HYDIN: variants seen among roughly 807,000 people sequenced by gnomAD.
The protein encoded by HYDIN is axonemal central pair apparatus protein HYDIN.
A neutral mutation model predicts 403.9 loss-of-function variants in HYDIN; 132 were observed. The ratio of observed to expected loss-of-function variants is 0.33; its 90% confidence interval spans 0.28 to 0.38. The LOEUF (loss-of-function observed/expected upper bound fraction) is 0.38. Among genes scored for constraint, HYDIN ranks in the 10% least tolerant of loss-of-function variants. The probability of loss-of-function intolerance (pLI) is 1.00; values close to 1 mark genes in which losing one functional copy is unlikely to be tolerated. For synonymous variants in HYDIN, 1,202 were observed against 1,891.7 expected, an observed-to-expected ratio of 0.64 and a Z score of 9.46; for missense variants, 2,827 against 5,009.5, an observed-to-expected ratio of 0.56 and a Z score of 13.15.
chr16:71,135,750 A>G (rs911867342), intron 8 of HYDIN, among the ~76,000 whole-genome samples: 5 of 151,504 alleles, frequency 3.3e-5, no homozygotes, highest in Non-Finnish European at 5.9e-5. Context: ...AGATATTTCT[A>G]TGCCATAAAG....
intron 1 of HYDIN, among the ~76,000 whole-genome samples, chr16:71,211,746 A>G (rs1438049766): frequency 6.6e-6 from 1 of 152,176 alleles, no homozygotes; most frequent in Non-Finnish European, 1.5e-5. Flanking sequence ...TGAGGAACAC[A>G]TAGTAAGAAA....
rs896443198 is a variant in HYDIN at position 70,807,462 on chromosome 16, C to T, written c.*118G>A. 18 of 1,158,746 alleles carry T rather than the reference C, an allele frequency of 1.6e-5. No homozygotes were observed. The highest frequency in any genetic ancestry group is 2.6e-4 in the Middle Eastern group (1 of 3,830). The allele number at this position is 1,158,746 out of a possible 1,614,324, so 71.8% of individuals were successfully genotyped here. A position where few individuals can be genotyped will look rare whatever the true frequency, so the allele number is the denominator to read the frequency against. ...AACACATAATAGGGAAATAACTGCCCTATAATTGTATGAGAAGAATAAAAA... is the reference window on the plus strand; with the variant it reads ...AACACATAATAGGGAAATAACTGCCTTATAATTGTATGAGAAGAATAAAAA... On this transcript the variant is annotated 3_prime_UTR_variant, in exon 86 of 86. Transcript: ENST00000393567.
intron 23 of HYDIN, among the ~76,000 whole-genome samples, chr16:71,003,257 G>A (rs1344273836): frequency 6.6e-6 from 1 of 152,084 alleles, no homozygotes; most frequent in Non-Finnish European, 1.5e-5. Context: ...GGATCAACCT[G>A]TCAGGATTCT....
intron 1 of HYDIN, among the ~76,000 whole-genome samples, chr16:71,222,786 T>A (rs1359245928): frequency 6.6e-6 from 1 of 152,040 alleles, no homozygotes; most frequent in Non-Finnish European, 1.5e-5. Context: ...CTTAACCAAG[T>A]AGGGGAAAGA....
intron 1 of HYDIN, among the ~76,000 whole-genome samples, chr16:71,222,731 A>C (rs2040858356): frequency 6.6e-6 from 1 of 152,194 alleles, no homozygotes; most frequent in African/African-American, 2.4e-5. Flanking sequence ...TCTCTTTTAC[A>C]ACAGCTGCAA....
chr16:71,220,569 T>G (rs1345047110), intron 1 of HYDIN, among the ~76,000 whole-genome samples: 1 of 152,218 alleles, frequency 6.6e-6, no homozygotes, highest in Non-Finnish European at 1.5e-5. Context: ...CAGCTGGCAT[T>G]TGCTAAACCT....
At position 70,943,717 on chromosome 16, in the gene HYDIN, C is replaced by T. The variant is rs35860406; in HGVS notation, c.6669+95G>A. 12,329 of 1,491,222 alleles carry T rather than the reference C, an allele frequency of 8.3e-3. 725 individuals carry two copies. In the African/African-American group the frequency reaches 0.14, roughly 17 times the overall value. 92.4% of individuals were successfully genotyped at this position (1,491,222 alleles called of 1,614,324 possible). A position where few individuals can be genotyped will look rare whatever the true frequency, so the allele number is the denominator to read the frequency against. On this transcript the variant is annotated intron_variant, in intron 42 of 85. Coordinates refer to ENST00000393567, the MANE Select transcript of HYDIN (RefSeq NM_001270974.2). ...ACTGCCTTCCGGGCTGCCGAGCTGC[C>T]GTGGGTGGCTGATGGCCCAGAACCT... is the stretch of plus-strand genomic sequence containing the variant.
intron 75 of HYDIN, among the ~76,000 whole-genome samples, chr16:70,847,636 C>T (rs1337448557): frequency 7.9e-5 from 12 of 151,538 alleles, no homozygotes; most frequent in South Asian, 2.1e-4. Flanking sequence ...TTTTTCAGCA[C>T]GTTGAATATG....
intron 45 of HYDIN, among the ~76,000 whole-genome samples, chr16:70,933,960 T>G (rs539134567): frequency 1.3e-5 from 2 of 152,172 alleles, no homozygotes; most frequent in Admixed American, 6.5e-5. Flanking sequence ...ACACAAAGGC[T>G]GACGCTGGAA....
chr16:71,228,598 C>A (rs933681481), intron 1 of HYDIN, among the ~76,000 whole-genome samples: 3 of 152,140 alleles, frequency 2.0e-5, no homozygotes, highest in Non-Finnish European at 4.4e-5. Context: ...CAAATCAAAA[C>A]CACAATAAGA....
intron 18 of HYDIN, among the ~76,000 whole-genome samples, chr16:71,045,238 G>C (rs2081414496): frequency 6.6e-6 from 1 of 152,124 alleles, no homozygotes; most frequent in African/African-American, 2.4e-5. Flanking sequence ...CTTTTGTGTT[G>C]TCACTAGCTT....
chr16:70,993,903 T>C (rs1415114761), intron 23 of HYDIN, among the ~76,000 whole-genome samples: 3 of 152,188 alleles, frequency 2.0e-5, no homozygotes, highest in Non-Finnish European at 4.4e-5. Context: ...GTGGTATTCA[T>C]TAATAGGCTT....
chr16:71,015,219 T>C (rs1401069970), intron 23 of HYDIN, among the ~76,000 whole-genome samples: 2 of 151,726 alleles, frequency 1.3e-5, no homozygotes, highest in African/African-American at 2.4e-5. Context: ...ATTGAGTAAA[T>C]GAATCAACAA....
intron 72 of HYDIN, 106 bp downstream of exon 72, chr16:70,857,599 T>A: frequency 3.2e-6 from 4 of 1,251,546 alleles, no homozygotes; most frequent in Non-Finnish European, 4.3e-6. Flanking sequence ...GATATGCTTC[T>A]GGAAGGGACC....
intron 18 of HYDIN, among the ~76,000 whole-genome samples, chr16:71,038,215 G>A (rs1176618051): frequency 7.9e-5 from 12 of 152,416 alleles, no homozygotes; most frequent in African/African-American, 2.6e-4. Context: ...GGTGATGAGT[G>A]TTAAGCCCTC....
chr16:71,180,136 T>G (rs2086838956), intron 3 of HYDIN, among the ~76,000 whole-genome samples: 1 of 151,938 alleles, frequency 6.6e-6, no homozygotes, highest in African/African-American at 2.4e-5. Flanking sequence ...CCTCATGAGT[T>G]TGATCAAGAA....
intron 18 of HYDIN, among the ~76,000 whole-genome samples, chr16:71,047,208 C>T (rs995039083): frequency 2.6e-5 from 4 of 151,836 alleles, no homozygotes; most frequent in Non-Finnish European, 4.4e-5. Flanking sequence ...GACAAGGAAA[C>T]CAAACTCCCT....
rs2082382645 is a variant in HYDIN, at chr16:71,069,374, T to C, written c.1867A>G (p.Lys623Glu). 2.5e-6 allele frequency: 4 copies of C among 1,614,216 alleles called. No homozygotes were observed. The highest frequency in any genetic ancestry group is 3.4e-6 in the Non-Finnish European group (4 of 1,180,026). Residue 623 changes from lysine (K) to glutamate (E), a missense_variant, in exon 14 of 86, where the codon AAA becomes GAA. Coordinates refer to ENST00000393567, the MANE Select transcript of HYDIN (RefSeq NM_001270974.2). ...ISYCEQHVDY[K>E]RPSWTKEEIS... ...TCTTCCTTGGTCCAAGATGGTCTTT[T>C]GTAGTCCACATGCTGCTCACAATAT...
At chr16:71,106,377 TC>T (rs11292396) in intron 10 of HYDIN, among the ~76,000 whole-genome samples, 24,487 of 152,170 alleles carry the variant, frequency 0.16, 5,559 homozygotes, top group African/African-American at 0.51. Flanking sequence ...TGGAAAGCTT[TC>T]CTTGACATCC....
Sources: allele counts gnomAD v4.1 joint callset (sites outside exome capture counted in the v4.1 genomes callset), GRCh38; gene constraint gnomAD v4.1.1; transcripts MANE v1.5; gene names NCBI Gene and HGNC (gene_info 2026-07-23, HGNC 2026-07-21).